The following TRIM55 variants were observed in gnomAD, a reference collection of about 807,000 sequenced individuals.
The protein encoded by TRIM55 is tripartite motif-containing protein 55.
In TRIM55, 50 loss-of-function variants were observed where a neutral mutation model predicts 60.9. That is an observed-to-expected ratio of 0.82 (90% CI 0.65 to 1.04). The LOEUF is 1.04. Ranked by LOEUF, TRIM55 falls within the 50% of genes least tolerant of loss-of-function variation. The probability of loss-of-function intolerance (pLI) is 0.00; values close to 1 mark genes in which losing one functional copy is unlikely to be tolerated. For synonymous variants in TRIM55, 237 were observed against 238.1 expected (o/e 1.00, Z 0.04); for missense variants, 681 against 666.9 (o/e 1.02, Z -0.23).
At chr8:66,114,329 CGAAGTCAG>C in the TRIM55 span, among the ~76,000 whole-genome samples, 1 of 152,232 alleles carries the variant, frequency 6.6e-6, no homozygotes, top group Admixed American at 6.5e-5. Context: ...AAAAGTCAGA[CGAAGTCAG>C]GTGAAGAGTA....
chr8:66,172,459 A>T (rs570015761), intron 9 of TRIM55, among the ~76,000 whole-genome samples: 1 of 152,332 alleles, frequency 6.6e-6, no homozygotes, highest in Admixed American at 6.5e-5. Flanking sequence ...GAAAGATAGC[A>T]TTGGTCCATA....
chr8:66,142,459 T>A (rs1268743114), intron 4 of TRIM55, among the ~76,000 whole-genome samples: 1 of 151,958 alleles, frequency 6.6e-6, no homozygotes, highest in Non-Finnish European at 1.5e-5. Flanking sequence ...CAGACCAGAG[T>A]GAGATAAACA....
chr8:66,139,647 C>T (rs1809690492), intron 4 of TRIM55, among the ~76,000 whole-genome samples: 1 of 152,118 alleles, frequency 6.6e-6, no homozygotes, highest in Admixed American at 6.6e-5. Flanking sequence ...TTGAACATGA[C>T]ACACTTTTCT....
intron 9 of TRIM55, among the ~76,000 whole-genome samples, chr8:66,164,850 A>G (rs1435586054): frequency 6.6e-6 from 1 of 152,152 alleles, no homozygotes; most frequent in Non-Finnish European, 1.5e-5. Context: ...GTGATCCCAG[A>G]GGAAAATAAA....
intron 2 of TRIM55, among the ~76,000 whole-genome samples, chr8:66,133,849 A>C (rs1237968911): frequency 6.6e-6 from 1 of 152,220 alleles, no homozygotes; most frequent in African/African-American, 2.4e-5. Flanking sequence ...CATGATTTAC[A>C]GTAGGAAGTG....
At chr8:66,165,102 T>TC (rs1328818875) in intron 9 of TRIM55, among the ~76,000 whole-genome samples, 4 of 151,924 alleles carry the variant, frequency 2.6e-5, no homozygotes, top group Non-Finnish European at 5.9e-5. Context: ...AATACACGTG[T>TC]CCCCAGACCT....
chr8:66,119,635 A>G, the TRIM55 span, among the ~76,000 whole-genome samples: 5 of 152,234 alleles, frequency 3.3e-5, no homozygotes, highest in African/African-American at 9.6e-5. Context: ...TCTTCTGACC[A>G]TTCTGGGGCG....
At chr8:66,160,917 A>G (rs981897003) in intron 9 of TRIM55, among the ~76,000 whole-genome samples, 12 of 148,028 alleles carry the variant, frequency 8.1e-5, no homozygotes, top group Non-Finnish European at 1.2e-4. Flanking sequence ...GATTCTGGAT[A>G]TTAGTCCTTT....
intron 9 of TRIM55, among the ~76,000 whole-genome samples, chr8:66,173,386 T>G (rs1811749055): frequency 6.6e-6 from 1 of 152,206 alleles, no homozygotes; most frequent in Non-Finnish European, 1.5e-5. Context: ...CAATAACTCA[T>G]TTTGCTCTCA....
chr8:66,154,045 A>AG lies in TRIM55; in HGVS notation c.1240dup. 1 of 1,608,956 alleles carries AG rather than the reference A, an allele frequency of 6.2e-7. No individual in the cohort carries two copies. Among genetic ancestry groups the AG allele is most frequent in the South Asian group, 1.1e-5 (1 of 90,616 alleles). ...CTTTTGAATTTATCTGTCCTGATTA[A>AG]GGGGGAGGTTGTACCCACTGGCTCT... On this transcript the variant is annotated splice_acceptor_variant, in intron 8 of 9. Coordinates refer to ENST00000315962, the MANE Select transcript of TRIM55 (RefSeq NM_184085.2). LOFTEE classifies it high-confidence loss of function.
At chr8:66,125,979 A>G (rs981746565), upstream of TRIM55, among the ~76,000 whole-genome samples, 17 of 152,250 alleles carry the variant, frequency 1.1e-4, no homozygotes, top group Non-Finnish European at 2.2e-4. Context: ...AAACATTTTT[A>G]AATACAATAT....
chr8:66,148,869 T>C (rs984507759), intron 4 of TRIM55, among the ~76,000 whole-genome samples: 88 of 152,222 alleles, frequency 5.8e-4, no homozygotes, highest in African/African-American at 2.0e-3. Flanking sequence ...GCCAATGTGG[T>C]GAAACCCCAT....
chr8:66,123,358 C>T (rs1277378422), upstream of TRIM55, among the ~76,000 whole-genome samples: 1 of 152,178 alleles, frequency 6.6e-6, no homozygotes, highest in Non-Finnish European at 1.5e-5. Context: ...TTCTCGGGAC[C>T]TCCTGGGGCT....
chr8:66,128,754 C>T (rs1024575001), intron 2 of TRIM55, among the ~76,000 whole-genome samples: 2 of 152,108 alleles, frequency 1.3e-5, no homozygotes, highest in Admixed American at 1.3e-4. Flanking sequence ...ATACTGCTGT[C>T]CCCCTCCACC....
chr8:66,115,546 C>T, the TRIM55 span, among the ~76,000 whole-genome samples: 2 of 152,142 alleles, frequency 1.3e-5, no homozygotes, highest in Admixed American at 1.3e-4. Flanking sequence ...GTAATGCGCC[C>T]AAAACCCAGT....
the TRIM55 span, among the ~76,000 whole-genome samples, chr8:66,117,587 GA>G: frequency 6.6e-6 from 1 of 152,188 alleles, no homozygotes; most frequent in African/African-American, 2.4e-5. Flanking sequence ...CCACAGTGAG[GA>G]TTAATATCTT....
At position 66,127,213 on chromosome 8, in the gene TRIM55, T is replaced by TG; in HGVS notation, c.-55dup. 2 of 1,544,160 alleles carry TG rather than the reference T, an allele frequency of 1.3e-6. No individual in the cohort carries two copies. Among genetic ancestry groups the TG allele is most frequent in the Admixed American group, 3.6e-5 (2 of 55,826 alleles). ...CCTGGAATAATATCCAGGAAACACT[T>TG]GCTGGAGCCACTCGCAGCACCCTTC... is the stretch of plus-strand genomic sequence containing the variant. On this transcript the variant is annotated 5_prime_UTR_variant, in exon 1 of 10. Transcript: ENST00000315962.
At chr8:66,114,450 G>T in the TRIM55 span, 1 of 442,840 alleles carries the variant, frequency 2.3e-6, no homozygotes, top group South Asian at 1.6e-5. Context: ...TTTAATTGGG[G>T]GGAAATTCAC....
At chr8:66,163,455 T>C (rs1811156255) in intron 9 of TRIM55, among the ~76,000 whole-genome samples, 1 of 152,214 alleles carries the variant, frequency 6.6e-6, no homozygotes, top group South Asian at 2.1e-4. Context: ...TCCCACAAGT[T>C]TTGATATGTT....
Sources: allele counts gnomAD v4.1 joint callset (sites outside exome capture counted in the v4.1 genomes callset), GRCh38; gene constraint gnomAD v4.1.1; transcripts MANE v1.5; gene names NCBI Gene and HGNC (gene_info 2026-07-23, HGNC 2026-07-21).